Variants in PLPP1 observed in about 807,000 individuals in gnomAD.
PLPP1 encodes phospholipid phosphatase 1.
PLPP1 carries 24 observed loss-of-function variants against 31.2 expected under a neutral mutation model. The observed-to-expected ratio is 0.77, with a 90% CI of 0.56 to 1.08. PLPP1 has a LOEUF of 1.08. Ranked by LOEUF, PLPP1 falls within the 50% of genes least tolerant of loss-of-function variation. The pLI is 0.00. For missense variants in PLPP1, 319 were observed against 342.7 expected, an observed-to-expected ratio of 0.93 and a Z score of 0.55; for synonymous variants, 146 against 126.3, an observed-to-expected ratio of 1.16 and a Z score of -1.05.
At chr5:55,428,068 T>C (rs1304563704) in intron 4 of PLPP1, among the ~76,000 whole-genome samples, 1 of 152,176 alleles carries the variant, frequency 6.6e-6, no homozygotes, top group Non-Finnish European at 1.5e-5. Context: ...ATTACAGGCA[T>C]GAGCCACCAC....
chr5:55,502,284 C>G (rs1379392585), intron 1 of PLPP1, among the ~76,000 whole-genome samples: 1 of 152,122 alleles, frequency 6.6e-6, no homozygotes, highest in Non-Finnish European at 1.5e-5. Flanking sequence ...GTCAAGAGAT[C>G]AAGGCCATCC....
At chr5:55,441,728 G>T in intron 4 of PLPP1, 123 bp downstream of exon 4, 2 of 1,026,064 alleles carry the variant, frequency 1.9e-6, no homozygotes, top group Non-Finnish European at 1.5e-6. Context: ...TTACAGATTT[G>T]CAGATCATCT....
chr5:55,448,395 G>A (rs1751816336), intron 3 of PLPP1, among the ~76,000 whole-genome samples: 1 of 151,180 alleles, frequency 6.6e-6, no homozygotes, highest in African/African-American at 2.4e-5. Flanking sequence ...GAGAAATGCA[G>A]ACGTTTACTG....
intron 2 of PLPP1, among the ~76,000 whole-genome samples, chr5:55,473,343 A>C (rs1752462539): frequency 6.6e-6 from 1 of 152,188 alleles, no homozygotes; most frequent in Admixed American, 6.5e-5. Context: ...GGCACCTAGG[A>C]CATGCTGGGC....
intron 3 of PLPP1, among the ~76,000 whole-genome samples, chr5:55,444,175 G>A (rs1268539302): frequency 3.6e-4 from 53 of 148,368 alleles, no homozygotes; most frequent in Admixed American, 6.8e-5. Context: ...TCCGCCTCCC[G>A]GGTTCAAGCG....
chr5:55,455,566 C>G (rs1362372663), intron 3 of PLPP1, among the ~76,000 whole-genome samples: 1 of 152,136 alleles, frequency 6.6e-6, no homozygotes, highest in African/African-American at 2.4e-5. Context: ...GGCTGTAGTG[C>G]GCTGTGATCG....
chr5:55,501,932 G>A (rs575591040), intron 1 of PLPP1, among the ~76,000 whole-genome samples: 66 of 152,292 alleles, frequency 4.3e-4, no homozygotes, highest in Non-Finnish European at 7.1e-4. Context: ...CCATAACAGT[G>A]CTTTGATTTA....
intron 3 of PLPP1, among the ~76,000 whole-genome samples, chr5:55,461,837 A>G (rs1752173064): frequency 6.6e-6 from 1 of 152,140 alleles, no homozygotes; most frequent in Non-Finnish European, 1.5e-5. Context: ...GGAATCTATA[A>G]AATCACTCCA....
chr5:55,444,390 G>C (rs1394873349), intron 3 of PLPP1, among the ~76,000 whole-genome samples: 1 of 151,946 alleles, frequency 6.6e-6, no homozygotes, highest in Non-Finnish European at 1.5e-5. Context: ...CCCAAATGCA[G>C]TTTGTTTTCA....
intron 1 of PLPP1, among the ~76,000 whole-genome samples, chr5:55,526,821 A>G (rs912341160): frequency 6.7e-6 from 1 of 150,004 alleles, no homozygotes; most frequent in Non-Finnish European, 1.5e-5. Context: ...AGTCCCAGCT[A>G]CTTGGGAGGC....
In PLPP1 at chr5:55,444,084, CT is replaced by C. The variant is rs11374794; in HGVS notation, c.492-2177del. ...TAAATCCCAAGGAGTAGCCCAAATG[CT>C]TTTTTTTTTTTTTTGAGACAGAGTC... On this transcript the variant is annotated intron_variant, in intron 3 of 5. Coordinates refer to ENST00000307259, the MANE Select transcript of PLPP1 (RefSeq NM_003711.4). Among the ~76,000 whole-genome samples, 604 of 140,294 alleles carry C rather than the reference CT, an allele frequency of 4.3e-3. 1 individual carries two copies. Among genetic ancestry groups the C allele is most frequent in the Non-Finnish European group, 4.1e-3 (260 of 63,734 alleles). The allele number at this position is 140,294 out of a possible 152,430, so 92.0% of individuals were successfully genotyped here. A position where few individuals can be genotyped will look rare whatever the true frequency, so the allele number is the denominator to read the frequency against.
intron 3 of PLPP1, among the ~76,000 whole-genome samples, chr5:55,455,846 C>G (rs777009377): frequency 3.9e-5 from 6 of 152,188 alleles, no homozygotes; most frequent in Non-Finnish European, 8.8e-5. Context: ...GCTAAATCTT[C>G]TCAATCAGGC....
intron 3 of PLPP1, among the ~76,000 whole-genome samples, chr5:55,445,347 A>G (rs970457164): frequency 2.0e-4 from 30 of 152,126 alleles, no homozygotes; most frequent in African/African-American, 7.2e-4. Context: ...CATATAAAGC[A>G]TATCTTAATT....
intron 1 of PLPP1, among the ~76,000 whole-genome samples, chr5:55,502,214 C>T (rs955829271): frequency 2.0e-5 from 3 of 152,082 alleles, no homozygotes; most frequent in East Asian, 3.9e-4. Context: ...CCAGGCTGGG[C>T]GTGGTGGCTC....
chr5:55,504,344 G>A (rs1377205985), intron 1 of PLPP1, among the ~76,000 whole-genome samples: 1 of 132,652 alleles, frequency 7.5e-6, no homozygotes, highest in Non-Finnish European at 1.6e-5. Context: ...CAGCCTGGGC[G>A]ACAGAGACTC....
chr5:55,495,089 C>T (rs1752977497), intron 1 of PLPP1, among the ~76,000 whole-genome samples: 1 of 149,834 alleles, frequency 6.7e-6, no homozygotes, highest in Admixed American at 6.6e-5. Context: ...TGAGATGGCG[C>T]CATTGCACTC....
At chr5:55,440,636 T>C (rs1405051454) in intron 4 of PLPP1, among the ~76,000 whole-genome samples, 1 of 152,232 alleles carries the variant, frequency 6.6e-6, no homozygotes, top group Non-Finnish European at 1.5e-5. Context: ...AGATGAAAGC[T>C]TTGAAAATTA....
intron 1 of PLPP1, among the ~76,000 whole-genome samples, chr5:55,507,469 G>A (rs946327211): frequency 6.6e-6 from 1 of 152,156 alleles, no homozygotes; most frequent in Non-Finnish European, 1.5e-5. Context: ...TGAACTACCA[G>A]GAAAGTAGGA....
intron 1 of PLPP1, among the ~76,000 whole-genome samples, chr5:55,507,609 A>C (rs572999951): frequency 2.0e-5 from 3 of 152,196 alleles, no homozygotes; most frequent in Non-Finnish European, 4.4e-5. Flanking sequence ...CCAATCCTTC[A>C]ATAAGTTTAA....
Sources: allele counts gnomAD v4.1 joint callset (sites outside exome capture counted in the v4.1 genomes callset), GRCh38; gene constraint gnomAD v4.1.1; transcripts MANE v1.5; gene names NCBI Gene and HGNC (gene_info 2026-07-23, HGNC 2026-07-21).